Variants in WDR7 observed in about 807,000 individuals in gnomAD.
WDR7 encodes the protein WD repeat domain 7.
Under a neutral mutation model 169.4 loss-of-function variants are expected in WDR7, and 46 were observed. The observed-to-expected ratio is 0.27, with a 90% CI of 0.21 to 0.35. The LOEUF (loss-of-function observed/expected upper bound fraction) is 0.35. Among genes scored for constraint, WDR7 ranks in the 10% least tolerant of loss-of-function variants. WDR7 has a pLI of 1.00. For synonymous variants in WDR7, 612 were observed against 666.8 expected (o/e 0.92, Z 1.27); for missense variants, 1,534 against 1,859.3 (o/e 0.83, Z 3.22).
intron 26 of WDR7, among the ~76,000 whole-genome samples, chr18:56,970,997 C>T (rs937995406): frequency 5.9e-5 from 9 of 152,152 alleles, no homozygotes; most frequent in South Asian, 2.1e-4. Context: ...CCCAGCTGGG[C>T]GCAGTGGCTC....
At chr18:56,873,419 G>T (rs2045979900) in intron 20 of WDR7, 2 of 152,176 alleles carry the variant, frequency 1.3e-5, no homozygotes, top group African/African-American at 4.8e-5. Context: ...CTTCCCTAAA[G>T]TCTTAATTCC....
At chr18:56,916,281 C>T (rs778036775) in intron 21 of WDR7, among the ~76,000 whole-genome samples, 2 of 151,240 alleles carry the variant, frequency 1.3e-5, no homozygotes, top group African/African-American at 2.4e-5. Flanking sequence ...CGCCACCCCA[C>T]GACAGGTCCC....
At chr18:56,938,922 T>C (rs546986145) in intron 24 of WDR7, among the ~76,000 whole-genome samples, 19 of 152,126 alleles carry the variant, frequency 1.2e-4, no homozygotes, top group African/African-American at 4.3e-4. Context: ...AAAACGATTT[T>C]CAAGTTCATT....
At chr18:56,698,024 T>C (rs1156777497) in intron 12 of WDR7, among the ~76,000 whole-genome samples, 1 of 151,852 alleles carries the variant, frequency 6.6e-6, no homozygotes, top group Non-Finnish European at 1.5e-5. Context: ...AGAAACCCCT[T>C]CTCTACTAAA....
chr18:56,852,870 T>A (rs2045662971), intron 20 of WDR7, among the ~76,000 whole-genome samples: 1 of 152,192 alleles, frequency 6.6e-6, no homozygotes, highest in African/African-American at 2.4e-5. Context: ...TACTTCAGCA[T>A]GTTTTAAAAT....
chr18:57,003,921 A>G (rs1290640254), intron 26 of WDR7, among the ~76,000 whole-genome samples: 2 of 151,954 alleles, frequency 1.3e-5, no homozygotes, highest in East Asian at 3.9e-4. Context: ...GCTTTTGAAT[A>G]TAGTATTCCC....
At chr18:56,676,399 GGTAA>G (rs1245145144) in intron 2 of WDR7, among the ~76,000 whole-genome samples, 2 of 151,950 alleles carry the variant, frequency 1.3e-5, no homozygotes, top group African/African-American at 4.8e-5. Flanking sequence ...CGTTATTATT[GGTAA>G]GTAAGGACTT....
intron 4 of WDR7, among the ~76,000 whole-genome samples, chr18:56,682,280 T>A (rs966388334): frequency 6.6e-6 from 1 of 152,220 alleles, no homozygotes; most frequent in African/African-American, 2.4e-5. Flanking sequence ...TATTTGAAAT[T>A]CATGTTATTT....
chr18:57,030,534 G>T (rs919564570), downstream of WDR7: 6 of 152,178 alleles, frequency 3.9e-5, no homozygotes. Context: ...CTGATCAAAT[G>T]TGGAAAGGCG....
intron 21 of WDR7, among the ~76,000 whole-genome samples, chr18:56,910,484 G>A (rs934994592): frequency 6.6e-6 from 1 of 152,164 alleles, no homozygotes; most frequent in African/African-American, 2.4e-5. Flanking sequence ...TTAGTCATAT[G>A]ATATGGTATG....
intron 20 of WDR7, among the ~76,000 whole-genome samples, chr18:56,817,767 A>G (rs529462221): frequency 6.7e-6 from 1 of 148,282 alleles, no homozygotes; most frequent in Non-Finnish European, 1.5e-5. Context: ...TTTTTTTGAG[A>G]TGGAGTCTTG....
chr18:56,852,011 G>C (rs1316004484), intron 20 of WDR7, among the ~76,000 whole-genome samples: 3 of 152,052 alleles, frequency 2.0e-5, no homozygotes, highest in African/African-American at 4.8e-5. Flanking sequence ...ATGACCCTCT[G>C]GCTTCATTTC....
chr18:56,842,982 ATGT>A (rs2045509637), intron 20 of WDR7, among the ~76,000 whole-genome samples: 1 of 152,080 alleles, frequency 6.6e-6, no homozygotes, highest in South Asian at 2.1e-4. Context: ...TTGGCATTTG[ATGT>A]TGTTGCTGTA....
At chr18:56,730,542 G>A (rs911621426) in intron 13 of WDR7, among the ~76,000 whole-genome samples, 7 of 152,112 alleles carry the variant, frequency 4.6e-5, no homozygotes, top group South Asian at 2.1e-4. Flanking sequence ...CGAGGCGGGC[G>A]GATCACGAGG....
intron 26 of WDR7, among the ~76,000 whole-genome samples, chr18:56,998,723 A>G (rs1599232817): frequency 6.6e-6 from 1 of 152,166 alleles, no homozygotes; most frequent in Admixed American, 6.5e-5. Flanking sequence ...AATGTACTAA[A>G]TTGTGTACAT....
rs2047800269 is a variant in WDR7 at position 56,990,749 on chromosome 18, C to CTA, written c.4164+28221_4164+28222insAT. Among the ~76,000 whole-genome samples the CTA allele has an allele frequency of 3.3e-5, 5 of 152,210 alleles. No individual in the cohort carries two copies. In the South Asian group the frequency reaches 8.3e-4, roughly 25 times the overall value. ...CTTATATATACCATAGTTATTCTGT[C>CTA]TTACCCTCCTACCTATTGCTCCAGC... is the stretch of plus-strand genomic sequence containing the variant. On this transcript the variant is annotated intron_variant, in intron 26 of 27. Transcript: ENST00000254442.
intron 20 of WDR7, among the ~76,000 whole-genome samples, chr18:56,830,693 G>A (rs1180321768): frequency 6.6e-6 from 1 of 152,176 alleles, no homozygotes; most frequent in African/African-American, 2.4e-5. Flanking sequence ...CTTTCAGCGG[G>A]TCTGGCTTGC....
intron 1 of WDR7, among the ~76,000 whole-genome samples, chr18:56,664,683 C>A (rs1400396168): frequency 6.6e-6 from 1 of 151,978 alleles, no homozygotes; most frequent in African/African-American, 2.4e-5. Context: ...TACATATTGA[C>A]CCCTAGTAAA....
intron 14 of WDR7, among the ~76,000 whole-genome samples, chr18:56,734,503 C>T (rs550429754): frequency 3.4e-5 from 5 of 149,174 alleles, no homozygotes; most frequent in African/African-American, 7.4e-5. Context: ...AAATTGCCCC[C>T]GGTTTAAAAC....
Sources: gnomAD v4.1 joint callset for allele counts (sites outside exome capture counted in the v4.1 genomes callset) on GRCh38, gnomAD v4.1.1 for gene constraint, MANE v1.5 for transcripts, NCBI Gene and HGNC (gene_info 2026-07-23, HGNC 2026-07-21) for gene names.